The following FREM1 variants were observed in gnomAD, a reference collection of about 807,000 sequenced individuals.
FREM1 encodes the protein FRAS1 related extracellular matrix 1.
FREM1 carries 220 observed loss-of-function variants against 210.1 expected under a neutral mutation model. The ratio of observed to expected loss-of-function variants is 1.05; its 90% confidence interval spans 0.94 to 1.17. FREM1 has a LOEUF of 1.17. FREM1 is among the 50% of genes most tolerant of loss of function. The probability of loss-of-function intolerance (pLI) is 0.00; values close to 1 mark genes in which losing one functional copy is unlikely to be tolerated. For missense variants in FREM1, 3,454 were observed against 2,675.5 expected (o/e 1.29, Z -6.42); for synonymous variants, 1,189 against 980.2 (o/e 1.21, Z -3.98).
rs200548918 is a variant in FREM1 at position 14,851,785 on chromosome 9, G to A, written c.829-178C>T. ...AAACACATGCTGGTACCTAGGATCT[G>A]TCTCCAGAGGTTCTTGTTTAATTGT... On this transcript the variant is annotated intron_variant, in intron 5 of 36. Transcript: ENST00000380880. Among the ~76,000 whole-genome samples, 19 of 152,254 alleles carry A rather than the reference G, an allele frequency of 1.2e-4. No homozygotes were observed. The Middle Eastern group carries it at 0.01, about 82-fold the overall frequency.
chr9:14,788,106 A>T (rs1403572968), intron 23 of FREM1, among the ~76,000 whole-genome samples: 1 of 152,190 alleles, frequency 6.6e-6, no homozygotes, highest in Admixed American at 6.5e-5. Context: ...AGGCAAAAAA[A>T]GGGAAGCATT....
chr9:14,780,038 G>C (rs1289726375), intron 24 of FREM1, among the ~76,000 whole-genome samples: 2 of 152,110 alleles, frequency 1.3e-5, no homozygotes, highest in African/African-American at 2.4e-5. Context: ...TTCATGTCTG[G>C]AAAAGCTGAT....
Position 14,806,523 on chromosome 9 carries a change from G to GGATTACAGGCA in FREM1, c.3274+127_3274+137dup, listed in dbSNP as rs1429679970. 7 of 617,054 alleles carry GGATTACAGGCA rather than the reference G, an allele frequency of 1.1e-5. No individual in the cohort carries two copies. The East Asian group carries it at 1.7e-4, about 15-fold the overall frequency. The allele number at this position is 617,054 out of a possible 1,614,324, so 38.2% of individuals were successfully genotyped here. A position where few individuals can be genotyped will look rare whatever the true frequency, so the allele number is the denominator to read the frequency against. On this transcript the variant is annotated intron_variant, in intron 18 of 36. Transcript: ENST00000380880. ...CCCATCTCGGCCTCCCAAAGTGCTG[G>GGATTACAGGCA]GATTACAGGCATCAGCCACCACGCC...
At chr9:14,893,838 G>A (rs1005265586) in intron 1 of FREM1, among the ~76,000 whole-genome samples, 1 of 152,162 alleles carries the variant, frequency 6.6e-6, no homozygotes. Flanking sequence ...TGGAAGGTTT[G>A]TAAAAAATTA....
intron 19 of FREM1, among the ~76,000 whole-genome samples, chr9:14,803,914 A>C (rs1177041850): frequency 6.6e-6 from 1 of 152,216 alleles, no homozygotes; most frequent in Non-Finnish European, 1.5e-5. Flanking sequence ...CAAGAACTTT[A>C]ATAAAGCAAC....
intron 21 of FREM1, among the ~76,000 whole-genome samples, chr9:14,794,747 C>A (rs1346304104): frequency 1.3e-5 from 2 of 152,036 alleles, no homozygotes; most frequent in African/African-American, 2.4e-5. Flanking sequence ...TGCCTGTAAT[C>A]CCAGCACTTT....
In FREM1 at chr9:14,851,675, T is replaced by C. The variant is rs1461993669; in HGVS notation, c.829-68A>G. 14 of 1,192,400 alleles carry C rather than the reference T, an allele frequency of 1.2e-5. No homozygotes were observed. In the South Asian group the frequency reaches 1.3e-4, roughly 11 times the overall value. 73.9% of individuals were successfully genotyped at this position (1,192,400 alleles called of 1,614,324 possible). A position where few individuals can be genotyped will look rare whatever the true frequency, so the allele number is the denominator to read the frequency against. On this transcript the variant is annotated intron_variant, in intron 5 of 36. Transcript: ENST00000380880. ...ATGAGGTGATATCATACAGGGCTAA[T>C]AGCATAATATTTAATACAGCCACAG... is the stretch of plus-strand genomic sequence containing the variant.
intron 7 of FREM1, among the ~76,000 whole-genome samples, chr9:14,848,142 A>G (rs1827028369): frequency 6.6e-6 from 1 of 152,240 alleles, no homozygotes; most frequent in African/African-American, 2.4e-5. Context: ...ATCTCCATTT[A>G]CATTCCACAT....
chr9:14,801,202 T>C (rs555764921), intron 20 of FREM1, among the ~76,000 whole-genome samples: 2 of 152,184 alleles, frequency 1.3e-5, no homozygotes, highest in Non-Finnish European at 2.9e-5. Flanking sequence ...TTCACCATGT[T>C]GGCCAGGCTG....
At position 14,737,427 on chromosome 9, in the gene FREM1, G is replaced by A; in HGVS notation, c.6509C>T (p.Pro2170Leu). 1.9e-6 allele frequency: 3 copies of A among 1,613,730 alleles called. No homozygotes were observed. The highest frequency in any genetic ancestry group is 2.5e-6 in the Non-Finnish European group (3 of 1,179,786). ...WQTKDCRRAK[P>L]HNYVCSRKL ...TTTTCTGGAACACACATAATTATGA[G>A]GTTTGGCTCTCCTACAGTCTTTTGT... The change falls in exon 37 of 37, where the codon CCT (proline) becomes CTT (leucine). Residue 2170 changes from proline to leucine, a missense_variant. By Grantham distance (98) the Pro-to-Leu change is moderately conservative. Coordinates refer to ENST00000380880, the MANE Select transcript of FREM1 (RefSeq NM_001379081.2).
chr9:14,841,382 C>T, intron 10 of FREM1, 65 bp downstream of exon 10: 1 of 1,324,282 alleles, frequency 7.6e-7, no homozygotes, highest in Non-Finnish European at 1.0e-6. Flanking sequence ...GGTTTCTAAC[C>T]ACATCTCCTA....
intron 2 of FREM1, among the ~76,000 whole-genome samples, chr9:14,868,418 GA>G (rs1831948933): frequency 6.6e-6 from 1 of 152,038 alleles, no homozygotes. Context: ...GCATTATTAA[GA>G]AAAAAATTAC....
At chr9:14,835,315 A>G (rs2131056762) in intron 10 of FREM1, among the ~76,000 whole-genome samples, 1 of 152,312 alleles carries the variant, frequency 6.6e-6, no homozygotes, top group South Asian at 2.1e-4. Context: ...TGATTCCTCT[A>G]GAATTTGGAG....
Position 14,788,962 on chromosome 9 carries a change from G to A in FREM1, c.4134C>T (p.Ser1378=). The stretch of plus-strand genomic sequence containing the variant: ...TGGTGATTTGACAGTCAAGAGCAGG[G>A]GACCTGTTGTTGCCATCCCAAAGGT... ...TFYLWDGNNR[S]PALDCQITIK... Residue 1378 remains serine (S), a synonymous_variant, in exon 23 of 37, where the codon TCC becomes TCT. Coordinates refer to ENST00000380880, the MANE Select transcript of FREM1 (RefSeq NM_001379081.2). 1.9e-6 allele frequency: 3 copies of A among 1,613,106 alleles called. No individual in the cohort carries two copies. Among genetic ancestry groups the A allele is most frequent in the Non-Finnish European group, 2.5e-6 (3 of 1,179,586 alleles).
chr9:14,750,717 T>C (rs953228947), intron 29 of FREM1, among the ~76,000 whole-genome samples: 14 of 152,206 alleles, frequency 9.2e-5, no homozygotes, highest in Non-Finnish European at 1.5e-4. Flanking sequence ...CTTGAAATGA[T>C]TGATTTCTTA....
In FREM1 at chr9:14,770,704, G is replaced by C. The variant is rs373186602; in HGVS notation, c.4960C>G (p.Arg1654Gly). The C allele has an allele frequency of 1.2e-6, 2 of 1,612,924 alleles. No homozygotes were observed. Among genetic ancestry groups the C allele is most frequent in the African/African-American group, 2.7e-5 (2 of 74,858 alleles). ...NGCYGIYITS[R>G]VLKASDPDTE... ...TCAGGGTCTGATGCCTTCAACACGC[G>C]GGAAGTGATGTAAATCCCGTAGCAG... The change falls in exon 26 of 37, where the codon CGC becomes GGC. Residue 1654 changes from arginine to glycine, a missense_variant. Arg to Gly is a moderately radical substitution (Grantham distance 125, BLOSUM62 -2). Transcript: ENST00000380880.
chr9:14,867,359 C>T (rs1402413853), intron 2 of FREM1, among the ~76,000 whole-genome samples: 2 of 152,180 alleles, frequency 1.3e-5, no homozygotes, highest in African/African-American at 4.8e-5. Context: ...ACTGAGGAGA[C>T]ACTGCAACTA....
At position 14,827,775 on chromosome 9, in the gene FREM1, G is replaced by C. The variant is rs569890375; in HGVS notation, c.1882-2783C>G. On this transcript the variant is annotated intron_variant, in intron 10 of 36. Coordinates refer to ENST00000380880, the MANE Select transcript of FREM1 (RefSeq NM_001379081.2). ...CCTTGAGGACAGAATGGTTTCAAGG[G>C]AGGGACCTGTGGGGTCTCTGCCCAG... Among the ~76,000 whole-genome samples, 6 of 152,318 alleles carry C rather than the reference G, an allele frequency of 3.9e-5. No homozygotes were observed. In the East Asian group the frequency reaches 7.7e-4, roughly 20 times the overall value.
intron 24 of FREM1, among the ~76,000 whole-genome samples, chr9:14,780,433 G>GGAAAAAAAAAAAAAAAAAAAAA (rs533265481): frequency 1.2e-5 from 1 of 81,536 alleles, no homozygotes; most frequent in Non-Finnish European, 2.6e-5. Flanking sequence ...CAGCTCCTCA[G>GGAAAAAAAAAAAAAAAAAAAAA]AAAAAAAAAA....
Sources: allele counts gnomAD v4.1 joint callset (sites outside exome capture counted in the v4.1 genomes callset), GRCh38; gene constraint gnomAD v4.1.1; transcripts MANE v1.5; gene names NCBI Gene and HGNC (gene_info 2026-07-23, HGNC 2026-07-21).